The following GUCY2C variants were observed in gnomAD, a reference collection of about 807,000 sequenced individuals.
GUCY2C encodes the protein guanylyl cyclase C.
GUCY2C carries 118 observed loss-of-function variants against 131.1 expected under a neutral mutation model. The ratio of observed to expected loss-of-function variants is 0.90; its 90% confidence interval spans 0.78 to 1.05. GUCY2C has a LOEUF of 1.05. Among genes scored for constraint, GUCY2C ranks in the 50% least tolerant of loss-of-function variants. GUCY2C has a pLI of 0.00. For missense variants in GUCY2C, 1,161 were observed against 1,304.4 expected (o/e 0.89, Z 1.69); for synonymous variants, 452 against 457.8 (o/e 0.99, Z 0.16).
chr12:14,662,632 C>T (rs1383595588), intron 10 of GUCY2C, among the ~76,000 whole-genome samples: 2 of 146,618 alleles, frequency 1.4e-5, no homozygotes, highest in Non-Finnish European at 3.0e-5. Context: ...GCCAAGATTG[C>T]ACCACTGCTC....
chr12:14,674,449 T>C lies in GUCY2C; in HGVS notation c.1084+176A>G, dbSNP rs563492998. 1.3e-5 allele frequency: 9 copies of C among 705,464 alleles called. No individual in the cohort carries two copies. The South Asian group carries it at 1.4e-4, about 11-fold the overall frequency. 43.7% of individuals were successfully genotyped at this position (705,464 alleles called of 1,614,324 possible). A position where few individuals can be genotyped will look rare whatever the true frequency, so the allele number is the denominator to read the frequency against. ...TAAAAGACTGAAACATAAACCGGAG[T>C]TCAGTTATCAATAACAGCACCCTCA... On this transcript the variant is annotated intron_variant, in intron 8 of 26. Transcript: ENST00000261170.
At chr12:14,676,612 A>G (rs1443005282) in intron 7 of GUCY2C, among the ~76,000 whole-genome samples, 1 of 152,170 alleles carries the variant, frequency 6.6e-6, no homozygotes, top group African/African-American at 2.4e-5. Flanking sequence ...GGATGTGTCC[A>G]CTGTTGTACT....
chr12:14,641,052 G>C, intron 18 of GUCY2C, 30 bp downstream of exon 18: 4 of 1,609,092 alleles, frequency 2.5e-6, no homozygotes, highest in Non-Finnish European at 1.7e-6. Flanking sequence ...CTCACTCCCA[G>C]AGGGGACACA....
chr12:14,634,910 G>C (rs987159710), intron 19 of GUCY2C, among the ~76,000 whole-genome samples: 1 of 152,052 alleles, frequency 6.6e-6, no homozygotes, highest in Non-Finnish European at 1.5e-5. Context: ...TTCAGCAAGA[G>C]GATATAACAA....
chr12:14,696,471 T>C lies in GUCY2C; in HGVS notation c.-23A>G, dbSNP rs780962783. 6 of 1,583,536 alleles carry C rather than the reference T, an allele frequency of 3.8e-6. No homozygotes were observed. In the South Asian group the frequency reaches 5.5e-5, roughly 15 times the overall value. ...CATGACCCCAATCACGTTAGAACCA[T>C]ACTCCTTGTGCCCACTTGCTTTGCT... On this transcript the variant is annotated 5_prime_UTR_variant, in exon 1 of 27. An upstream start codon of the reference 5' UTR is lost. Transcript: ENST00000261170.
chr12:14,640,042 C>A, intron 18 of GUCY2C, 92 bp from the exon 19 acceptor site: 2 of 836,966 alleles, frequency 2.4e-6, no homozygotes, highest in Middle Eastern at 2.2e-4. Flanking sequence ...ATTCACTCCC[C>A]TGGATGGCTC....
chr12:14,677,736 A>ATTTTTT, intron 6 of GUCY2C, among the ~76,000 whole-genome samples: 1 of 134,016 alleles, frequency 7.5e-6, no homozygotes, highest in Non-Finnish European at 1.6e-5. Context: ...ACGCCCAGCT[A>ATTTTTT]TTTTTTTTTT....
At chr12:14,667,858 A>C (rs1489369810) in intron 10 of GUCY2C, among the ~76,000 whole-genome samples, 2 of 152,158 alleles carry the variant, frequency 1.3e-5, no homozygotes, top group African/African-American at 4.8e-5. Flanking sequence ...TTGTTTTACA[A>C]AGTTAGAATC....
At chr12:14,639,299 CAAAAAAAAA>C (rs34629608) in intron 19 of GUCY2C, among the ~76,000 whole-genome samples, 5 of 77,116 alleles carry the variant, frequency 6.5e-5, no homozygotes, top group East Asian at 3.7e-4. Context: ...GACTCCGTCT[CAAAAAAAAA>C]AAAAAAAAAA....
rs553891896 is a variant in GUCY2C, at chr12:14,613,060, C to T, written c.*57G>A. 1.7e-5 allele frequency: 23 copies of T among 1,382,662 alleles called. No individual in the cohort carries two copies. The East Asian group carries it at 2.3e-4, about 14-fold the overall frequency. 85.6% of individuals were successfully genotyped at this position (1,382,662 alleles called of 1,614,324 possible). On this transcript the variant is annotated 3_prime_UTR_variant, in exon 27 of 27. Coordinates refer to ENST00000261170, the MANE Select transcript of GUCY2C (RefSeq NM_004963.4). The surrounding 1 kb of genome is among the most constrained non-coding windows in gnomAD (Gnocchi z 4.9). ...TGTAAGCTTTCAGGACACTTGAGGTCGCTGCCTCAGTGCAGCTGTATTTTA... is the reference window on the plus strand; with the variant it reads ...TGTAAGCTTTCAGGACACTTGAGGTTGCTGCCTCAGTGCAGCTGTATTTTA...
At chr12:14,636,204 G>GA (rs1284204422) in intron 19 of GUCY2C, among the ~76,000 whole-genome samples, 5 of 151,508 alleles carry the variant, frequency 3.3e-5, no homozygotes, top group Non-Finnish European at 7.4e-5. Flanking sequence ...AATCCTCCAA[G>GA]AAAAAAAATA....
intron 15 of GUCY2C, among the ~76,000 whole-genome samples, chr12:14,647,283 T>C (rs1162513867): frequency 6.6e-6 from 1 of 152,212 alleles, no homozygotes; most frequent in Non-Finnish European, 1.5e-5. Context: ...CTCTTCATTC[T>C]CTTTTTCAAA....
In GUCY2C at chr12:14,621,083, A is replaced by G; in HGVS notation, c.2735T>C (p.Leu912Pro). The G allele has an allele frequency of 1.9e-6, 3 of 1,614,020 alleles. No homozygotes were observed. The highest frequency in any genetic ancestry group is 2.5e-6 in the Non-Finnish European group (3 of 1,179,950). ...GCGAATCCATATTGGGAGGCCAGGA[A>G]GATGCTCCAGCTCAAAGGTCCCCAT... is the stretch of plus-strand genomic sequence containing the variant. ...SFMGTFELEH[L>P]PGLPIWIRIG... Residue 912 changes from leucine to proline, a missense_variant, in exon 23 of 27, where the codon CTT becomes CCT. Physicochemically the swap from Leu to Pro is moderately conservative, Grantham distance 98. Coordinates refer to ENST00000261170, the MANE Select transcript of GUCY2C (RefSeq NM_004963.4).
chr12:14,618,459 G>T (rs1946817737), intron 24 of GUCY2C, among the ~76,000 whole-genome samples: 1 of 152,166 alleles, frequency 6.6e-6, no homozygotes, highest in African/African-American at 2.4e-5. Context: ...GATGCAGTGA[G>T]CTGTGATTGT....
rs558189793 is a variant in GUCY2C at position 14,674,485 on chromosome 12, AATG to A, written c.1084+137_1084+139del. On this transcript the variant is annotated intron_variant, in intron 8 of 26. Transcript: ENST00000261170. ...ATAACAGCACCCTCAAAGTTTATGT[AATG>A]ATGTTTGCATCCAGTTGAGTTCAAA... 4.9e-4 allele frequency: 396 copies of A among 814,068 alleles called. No homozygotes were observed. The African/African-American group carries it at 4.9e-3, about 10-fold the overall frequency. 50.4% of individuals were successfully genotyped at this position (814,068 alleles called of 1,614,324 possible).
intron 19 of GUCY2C, among the ~76,000 whole-genome samples, chr12:14,629,080 C>A (rs111936165): frequency 0.015 from 2,269 of 152,176 alleles, 70 homozygotes; most frequent in African/African-American, 0.053. Flanking sequence ...CCATAACAAC[C>A]GTTTTAGTAC....
At chr12:14,620,034 C>G (rs1282788233) in intron 23 of GUCY2C, among the ~76,000 whole-genome samples, 3 of 152,146 alleles carry the variant, frequency 2.0e-5, no homozygotes, top group Non-Finnish European at 4.4e-5. Context: ...TTAAGCAATG[C>G]CTGGCTAAAG....
In GUCY2C at chr12:14,682,430, G is replaced by A. The variant is rs375515068; in HGVS notation, c.611+612C>T. ...GAAGAAAGTGCCTTGCTTGTCCTTC[G>A]CCTTCTGCCATGATTGTAAGTTTCC... On this transcript the variant is annotated intron_variant, in intron 4 of 26. Coordinates refer to ENST00000261170, the MANE Select transcript of GUCY2C (RefSeq NM_004963.4). Among the ~76,000 whole-genome samples, 49 of 152,138 alleles carry A rather than the reference G, an allele frequency of 3.2e-4. No homozygotes were observed. In the East Asian group the frequency reaches 3.7e-3, roughly 11 times the overall value.
At chr12:14,671,322 G>C (rs1948104473) in intron 9 of GUCY2C, among the ~76,000 whole-genome samples, 1 of 152,108 alleles carries the variant, frequency 6.6e-6, no homozygotes, top group Non-Finnish European at 1.5e-5. Context: ...ATTTTTAGTA[G>C]AGACAGGGTT....
Sources: allele counts gnomAD v4.1 joint callset (sites outside exome capture counted in the v4.1 genomes callset), GRCh38; gene constraint gnomAD v4.1.1; non-coding constraint Gnocchi (gnomAD v3.1); transcripts MANE v1.5; gene names NCBI Gene and HGNC (gene_info 2026-07-23, HGNC 2026-07-21).